The following SNTG1 variants were observed in gnomAD, a reference collection of about 807,000 sequenced individuals.
SNTG1 encodes the protein syntrophin gamma 1.
A neutral mutation model predicts 74.7 loss-of-function variants in SNTG1; 39 were observed. The observed-to-expected ratio is 0.52, with a 90% confidence interval of 0.40 to 0.68. SNTG1 has a LOEUF of 0.68. SNTG1 is among the 30% of genes least tolerant of loss of function. The probability of loss-of-function intolerance (pLI) is 0.00; values close to 1 mark genes in which losing one functional copy is unlikely to be tolerated. For synonymous variants in SNTG1, 254 were observed against 217.1 expected (o/e 1.17, Z -1.49); for missense variants, 685 against 609.5 (o/e 1.12, Z -1.30).
chr8:49,985,330 C>A (rs542120971), intron 1 of SNTG1, among the ~76,000 whole-genome samples: 47 of 152,128 alleles, frequency 3.1e-4, no homozygotes, highest in African/African-American at 9.6e-4. Flanking sequence ...GGAGTTTCAC[C>A]GTGTTGGCTA....
Position 50,240,607 on chromosome 8 carries a change from C to T in SNTG1, c.-28+67972C>T, listed in dbSNP as rs538482331. On this transcript the variant is annotated intron_variant, in intron 2 of 18. Transcript: ENST00000642720. ...TCTCCTCTACGATTAGCAGGAGAGGCGGGAAACAAGCGGCACAGAGGATCC... is the reference window on the plus strand; with the variant it reads ...TCTCCTCTACGATTAGCAGGAGAGGTGGGAAACAAGCGGCACAGAGGATCC... Among the ~76,000 whole-genome samples, 6 of 152,128 alleles carry T rather than the reference C, an allele frequency of 3.9e-5. No homozygotes were observed. The East Asian group carries it at 5.8e-4, about 15-fold the overall frequency.
Position 50,591,273 on chromosome 8 carries a change from T to A in SNTG1, c.849+356T>A, listed in dbSNP as rs79867187. On this transcript the variant is annotated intron_variant, in intron 13 of 18. Coordinates refer to ENST00000642720, the MANE Select transcript of SNTG1 (RefSeq NM_018967.5). ...ATTTATCTCAAAATTCAAATGAATT[T>A]TTCACAATTTGCTGACAGTATTTCA... Among the ~76,000 whole-genome samples the A allele has an allele frequency of 7.2e-3, 1,099 of 152,230 alleles. 11 individuals carry two copies. The highest frequency in any genetic ancestry group is 0.026 in the African/African-American group (1,061 of 41,568).
At chr8:50,042,843 C>T (rs1347761510) in intron 1 of SNTG1, among the ~76,000 whole-genome samples, 3 of 152,108 alleles carry the variant, frequency 2.0e-5, no homozygotes, top group Non-Finnish European at 2.9e-5. Context: ...GTGATCCTCC[C>T]ACCTTAGCCT....
chr8:50,113,125 AATTCTGTGAAGAAAGTC>A (rs1051439975), intron 1 of SNTG1, among the ~76,000 whole-genome samples: 1 of 152,048 alleles, frequency 6.6e-6, no homozygotes, highest in African/African-American at 2.4e-5. Flanking sequence ...GTTTTTTTCC[AATTCTGTGAAGAAAGTC>A]ATTGCTAGCT....
At chr8:50,237,713 A>G (rs2085977277) in intron 2 of SNTG1, among the ~76,000 whole-genome samples, 1 of 152,100 alleles carries the variant, frequency 6.6e-6, no homozygotes, top group East Asian at 1.9e-4. Context: ...ATTCTCACTG[A>G]TGCTAAAATA....
chr8:50,216,208 T>A (rs10957828), intron 2 of SNTG1, among the ~76,000 whole-genome samples: 12 of 152,122 alleles, frequency 7.9e-5, no homozygotes, highest in African/African-American at 2.4e-4. Context: ...CACAAAAGGA[T>A]AGGAACATTT....
intron 4 of SNTG1, among the ~76,000 whole-genome samples, chr8:50,416,622 T>C (rs913089629): frequency 2.0e-5 from 3 of 152,146 alleles, no homozygotes; most frequent in African/African-American, 7.2e-5. Context: ...TCTTGGTAAT[T>C]TACAGAATAT....
At chr8:50,049,095 CA>C (rs926763776) in intron 1 of SNTG1, among the ~76,000 whole-genome samples, 6 of 146,468 alleles carry the variant, frequency 4.1e-5, no homozygotes, top group African/African-American at 1.0e-4. Flanking sequence ...AGAGTGAAAA[CA>C]AAAAAAAAGA....
At chr8:50,690,576 C>T (rs1013676671) in intron 15 of SNTG1, among the ~76,000 whole-genome samples, 2 of 152,148 alleles carry the variant, frequency 1.3e-5, no homozygotes, top group South Asian at 4.1e-4. Flanking sequence ...GTTTCTTAAT[C>T]CTGAGTTCTA....
At chr8:50,151,281 G>T (rs1469401672) in intron 1 of SNTG1, among the ~76,000 whole-genome samples, 1 of 151,818 alleles carries the variant, frequency 6.6e-6, no homozygotes, top group East Asian at 1.9e-4. Flanking sequence ...TTTTTATTGG[G>T]TTTATTTTAT....
intron 1 of SNTG1, among the ~76,000 whole-genome samples, chr8:49,987,382 T>A (rs1813264773): frequency 1.3e-5 from 2 of 152,272 alleles, no homozygotes; most frequent in South Asian, 4.1e-4. Flanking sequence ...TTAAAGTCTC[T>A]GGAAATTATC....
intron 1 of SNTG1, among the ~76,000 whole-genome samples, chr8:49,917,299 G>T (rs1056413878): frequency 1.2e-4 from 18 of 152,100 alleles, no homozygotes; most frequent in African/African-American, 4.3e-4. Context: ...CAATGTCTAT[G>T]TTTAGTTGAA....
intron 2 of SNTG1, among the ~76,000 whole-genome samples, chr8:50,294,628 G>T (rs1210130558): frequency 2.6e-5 from 4 of 152,168 alleles, no homozygotes; most frequent in African/African-American, 9.7e-5. Context: ...GCCTTCAACA[G>T]ATTGAGTGAG....
At chr8:50,253,258 T>C (rs529545369) in intron 2 of SNTG1, among the ~76,000 whole-genome samples, 2 of 152,140 alleles carry the variant, frequency 1.3e-5, no homozygotes, top group East Asian at 1.9e-4. Context: ...ACCCTGTGTC[T>C]ACTAACAATA....
intron 11 of SNTG1, among the ~76,000 whole-genome samples, chr8:50,545,120 G>T (rs2094377559): frequency 6.6e-6 from 1 of 151,638 alleles, no homozygotes; most frequent in East Asian, 1.9e-4. Context: ...TTATTTCTTG[G>T]TTGCTTTTTT....
At chr8:50,565,767 T>C (rs934687147) in intron 12 of SNTG1, among the ~76,000 whole-genome samples, 1 of 151,988 alleles carries the variant, frequency 6.6e-6, no homozygotes, top group African/African-American at 2.4e-5. Flanking sequence ...ACAACATTCA[T>C]AGATAATATG....
chr8:50,602,239 G>C (rs1245811686), intron 13 of SNTG1, among the ~76,000 whole-genome samples: 1 of 150,064 alleles, frequency 6.7e-6, no homozygotes. Flanking sequence ...GATTTTATCT[G>C]GTGGTATGAT....
At chr8:50,708,214 C>T (rs576808550) in intron 16 of SNTG1, 14 of 162,832 alleles carry the variant, frequency 8.6e-5, no homozygotes, top group African/African-American at 2.6e-4. Context: ...AAAAAAAACC[C>T]CAAACAAGAA....
intron 1 of SNTG1, among the ~76,000 whole-genome samples, chr8:49,915,770 G>T (rs775960421): frequency 3.3e-5 from 5 of 152,158 alleles, no homozygotes; most frequent in African/African-American, 4.8e-5. Flanking sequence ...TGATTTGACT[G>T]CTGGCTTGTG....
Sources: gnomAD v4.1 joint callset for allele counts (sites outside exome capture counted in the v4.1 genomes callset) on GRCh38, gnomAD v4.1.1 for gene constraint, MANE v1.5 for transcripts, NCBI Gene and HGNC (gene_info 2026-07-23, HGNC 2026-07-21) for gene names.